Variants in DDR1 observed in about 807,000 individuals in gnomAD.
DDR1 encodes epithelial discoidin domain-containing receptor 1.
DDR1 carries 64 observed loss-of-function variants against 97.4 expected under a neutral mutation model. That is an observed-to-expected ratio of 0.66 (90% CI 0.54 to 0.81). DDR1 has a LOEUF of 0.81. DDR1 is among the 30% of genes least tolerant of loss of function. The probability of loss-of-function intolerance (pLI) is 0.00; values close to 1 mark genes in which losing one functional copy is unlikely to be tolerated. For synonymous variants in DDR1, 458 were observed against 503.7 expected (o/e 0.91, Z 1.21); for missense variants, 990 against 1,259.6 (o/e 0.79, Z 3.24).
chr6:30,895,633 C>T (rs1790482624), intron 12 of DDR1, 119 bp downstream of exon 12: 1 of 613,618 alleles, frequency 1.6e-6, no homozygotes, highest in East Asian at 3.0e-5. Flanking sequence ...CTCTCCTGAG[C>T]TCCCAAGGAG....
rs1787556308 is a variant in DDR1, at chr6:30,890,276, C to G, written c.418-697C>G. 1 of 152,366 alleles carries G rather than the reference C, an allele frequency of 6.6e-6. No homozygotes were observed. Among genetic ancestry groups the G allele is most frequent in the Admixed American group, 6.5e-5 (1 of 15,288 alleles). 9.4% of individuals were successfully genotyped at this position (152,366 alleles called of 1,614,324 possible). A position where few individuals can be genotyped will look rare whatever the true frequency, so the allele number is the denominator to read the frequency against. On this transcript the variant is annotated intron_variant, in intron 4 of 17. Coordinates refer to ENST00000376568, the MANE Select transcript of DDR1 (RefSeq NM_001297654.2). This position sits in a 1 kb window ranked among gnomAD's most constrained non-coding sequence, Gnocchi z 5.0. Reference sequence around the variant, plus strand: ...GCCTGCATCACTTGTTTCTTGGCGCCTCCTTGGCCACGCTGCCTTTCTTCT... The same window carrying G: ...GCCTGCATCACTTGTTTCTTGGCGCGTCCTTGGCCACGCTGCCTTTCTTCT...
rs376542836 is a variant in DDR1 at position 30,897,556 on chromosome 6, G to A, written c.2175G>A (p.Gly725=). The part of the protein sequence containing the change: ...AHQLEDKAAE[G]APGDGQAAQG... Reference sequence around the variant, plus strand: ...AGCTGGAGGACAAGGCAGCCGAGGGGGCCCCTGGGGACGGGCAGGCTGCGC... The same window carrying A: ...AGCTGGAGGACAAGGCAGCCGAGGGAGCCCCTGGGGACGGGCAGGCTGCGC... Residue 725 remains glycine (G), a synonymous_variant, in exon 15 of 18, where the codon GGG becomes GGA. Transcript: ENST00000376568. The surrounding 1 kb of genome is among the most constrained non-coding windows in gnomAD (Gnocchi z 5.2). The A allele has an allele frequency of 2.5e-6, 4 of 1,613,560 alleles. No homozygotes were observed. The highest frequency in any genetic ancestry group is 3.3e-5 in the Admixed American group (2 of 60,006).
chr6:30,894,862 C>T lies in DDR1; in HGVS notation c.1513+191C>T, dbSNP rs994610680. Among the ~76,000 whole-genome samples the T allele has an allele frequency of 4.6e-5, 7 of 152,132 alleles. No homozygotes were observed. The highest frequency in any genetic ancestry group is 1.4e-4 in the African/African-American group (6 of 41,412). ...TCTCTCAAGAGTTCCCCATGTATTA[C>T]CCATAGTCCCCCGTGGTGCTATCTT... On this transcript the variant is annotated intron_variant, in intron 11 of 17. Coordinates refer to ENST00000376568, the MANE Select transcript of DDR1 (RefSeq NM_001297654.2). This position sits in a 1 kb window ranked among gnomAD's most constrained non-coding sequence, Gnocchi z 5.7.
chr6:30,885,902 G>T, intron 1 of DDR1: 1 of 1,109,308 alleles, frequency 9.0e-7, no homozygotes, highest in Non-Finnish European at 1.2e-6. Flanking sequence ...GAGCGTGAAG[G>T]GCTTGAGGCA....
At chr6:30,885,842 G>C in intron 1 of DDR1, 1 of 1,283,632 alleles carries the variant, frequency 7.8e-7, no homozygotes, top group Non-Finnish European at 1.0e-6. Context: ...GTGTGTGTGT[G>C]TACAGAGCTG....
chr6:30,887,859 C>T (rs1786474676), intron 1 of DDR1, among the ~76,000 whole-genome samples: 1 of 152,196 alleles, frequency 6.6e-6, no homozygotes, highest in Non-Finnish European at 1.5e-5. Flanking sequence ...CTCGGCCTCC[C>T]AAAGTGCTGG....
At position 30,891,897 on chromosome 6, in the gene DDR1, C is replaced by A; in HGVS notation, c.666-105C>A. On this transcript the variant is annotated intron_variant, in intron 6 of 17. Coordinates refer to ENST00000376568, the MANE Select transcript of DDR1 (RefSeq NM_001297654.2). The surrounding 1 kb of genome is among the most constrained non-coding windows in gnomAD (Gnocchi z 5.3). ...TGGGAATGGGACTAGTGGATGGGAG[C>A]CAGGCTGGCCATGCCACTGTGCCGG... 7.8e-7 allele frequency: 1 copy of A among 1,278,400 alleles called. No individual in the cohort carries two copies. Among genetic ancestry groups the A allele is most frequent in the Non-Finnish European group, 1.1e-6 (1 of 894,934 alleles). 79.2% of individuals were successfully genotyped at this position (1,278,400 alleles called of 1,614,324 possible).
chr6:30,886,905 A>G lies in DDR1; in HGVS notation c.-42-1783A>G, dbSNP rs768619813. The G allele has an allele frequency of 2.6e-4, 40 of 152,356 alleles. No individual in the cohort carries two copies. Among genetic ancestry groups the G allele is most frequent in the African/African-American group, 9.6e-4 (40 of 41,544 alleles). The allele number at this position is 152,356 out of a possible 1,614,324, so 9.4% of individuals were successfully genotyped here. A position where few individuals can be genotyped will look rare whatever the true frequency, so the allele number is the denominator to read the frequency against. On this transcript the variant is annotated intron_variant, in intron 1 of 17. Transcript: ENST00000376568. The surrounding 1 kb of genome is among the most constrained non-coding windows in gnomAD (Gnocchi z 4.6). ...GGGTTTGTAAGGAGATGCCATTTAGAATAGTTTTATGTGGGGTAAGCTTCC... is the reference window on the plus strand; with the variant it reads ...GGGTTTGTAAGGAGATGCCATTTAGGATAGTTTTATGTGGGGTAAGCTTCC...
chr6:30,893,117 C>G lies in DDR1; in HGVS notation c.1149C>G (p.Ala383=), dbSNP rs1157948535. Residue 383 remains alanine, a synonymous_variant, in exon 9 of 18, where the codon GCC becomes GCG. Transcript: ENST00000376568. ...CACTGGGAGGCACCTTCCCGCCAGC[C>G]CCCTGGTGGCCGCCTGGCCCACCTC... ...SPALGGTFPP[A]PWWPPGPPPT... 6.2e-7 allele frequency: 1 copy of G among 1,611,466 alleles called. No homozygotes were observed. Among genetic ancestry groups the G allele is most frequent in the Admixed American group, 1.7e-5 (1 of 59,962 alleles).
chr6:30,892,204 T>G lies in DDR1; in HGVS notation c.852+16T>G, dbSNP rs750289147. 5.9e-5 allele frequency: 96 copies of G among 1,613,616 alleles called. No homozygotes were observed. Among genetic ancestry groups the G allele is most frequent in the Non-Finnish European group, 7.6e-5 (90 of 1,179,676 alleles). On this transcript the variant is annotated intron_variant, in intron 7 of 17. Coordinates refer to ENST00000376568, the MANE Select transcript of DDR1 (RefSeq NM_001297654.2). The stretch of plus-strand genomic sequence containing the variant: ...GGCTATGCAGGTGAGTGAGTCCGGC[T>G]CTCGAGGAGGGCTCTGAAGCCATGC...
upstream of DDR1, chr6:30,884,311 T>G (rs1354330009): frequency 4.0e-5 from 3 of 74,888 alleles, no homozygotes; most frequent in Non-Finnish European, 5.7e-5. This position sits in a 1 kb window ranked among gnomAD's most constrained non-coding sequence, Gnocchi z 6.1. Flanking sequence ...GCGCGCGGGG[T>G]GGGCGTGGCG....
At chr6:30,898,850 T>A in intron 16 of DDR1, 38 bp from the exon 17 acceptor site, 2 of 1,584,840 alleles carry the variant, frequency 1.3e-6, no homozygotes, top group South Asian at 2.3e-5. Flanking sequence ...CGTTGCCTGA[T>A]GTCCCTGTCT....
intron 16 of DDR1, 95 bp downstream of exon 16, chr6:30,898,402 T>C: frequency 1.1e-6 from 1 of 912,094 alleles, no homozygotes; most frequent in East Asian, 2.6e-5. Context: ...ACACACTTTC[T>C]CTGGGTTGCA....
rs181600077 is a variant in DDR1, at chr6:30,898,918, G to T, written c.2482G>T (p.Ala828Ser). 4.4e-5 allele frequency: 71 copies of T among 1,612,768 alleles called. No individual in the cohort carries two copies. In the Admixed American group the frequency reaches 6.0e-4, roughly 14 times the overall value. The change falls in exon 17 of 18, where the codon GCC (alanine) becomes TCC (serine). Residue 828 changes from alanine (A) to serine (S), a missense_variant. Transcript: ENST00000376568. ...GKFTTASDVW[A>S]FGVTLWEVLM... Reference sequence around the variant, plus strand: ...GTTCACGACTGCGAGTGACGTGTGGGCCTTTGGTGTGACCCTGTGGGAGGT... The same window carrying T: ...GTTCACGACTGCGAGTGACGTGTGGTCCTTTGGTGTGACCCTGTGGGAGGT...
intron 11 of DDR1, 122 bp from the exon 12 acceptor site, chr6:30,895,282 C>A: frequency 1.4e-6 from 1 of 689,876 alleles, no homozygotes; most frequent in Non-Finnish European, 2.4e-6. Context: ...TTGTTTTATC[C>A]TGTCTGTCTC....
intron 1 of DDR1, among the ~76,000 whole-genome samples, chr6:30,887,774 T>C (rs1230741838): frequency 2.0e-5 from 3 of 152,196 alleles, no homozygotes; most frequent in Non-Finnish European, 4.4e-5. Context: ...TATTTTTCAC[T>C]TTTTTTAAAG....
Position 30,897,695 on chromosome 6 carries a change from G to T in DDR1, c.2216+98G>T. On this transcript the variant is annotated intron_variant, in intron 15 of 17. Coordinates refer to ENST00000376568, the MANE Select transcript of DDR1 (RefSeq NM_001297654.2). The surrounding 1 kb of genome is among the most constrained non-coding windows in gnomAD (Gnocchi z 5.2). ...CTGGAGGAAAAGAGGGGAGCGTGGG[G>T]GTGGGAAGGGAGAGAGGTTCCAGGA... 1 of 1,013,168 alleles carries T rather than the reference G, an allele frequency of 9.9e-7. No individual in the cohort carries two copies. The allele number at this position is 1,013,168 out of a possible 1,614,324, so 62.8% of individuals were successfully genotyped here.
At position 30,891,578 on chromosome 6, in the gene DDR1, G is replaced by A. The variant is rs9461639; in HGVS notation, c.665+99G>A. Reference sequence around the variant, plus strand: ...GTGTGAGAGTGTGTGTGTGTAGGGGGGCTGGTAAGTAGGGTGGGGAGTGAG... The same window carrying A: ...GTGTGAGAGTGTGTGTGTGTAGGGGAGCTGGTAAGTAGGGTGGGGAGTGAG... On this transcript the variant is annotated intron_variant, in intron 6 of 17. Transcript: ENST00000376568. This position sits in a 1 kb window ranked among gnomAD's most constrained non-coding sequence, Gnocchi z 5.3. 143,570 of 828,786 alleles carry A rather than the reference G, an allele frequency of 0.17. 18,580 individuals are homozygous for A. Among genetic ancestry groups the A allele is most frequent in the East Asian group, 0.43 (15,449 of 36,070 alleles). The allele number at this position is 828,786 out of a possible 1,614,324, so 51.3% of individuals were successfully genotyped here.
chr6:30,885,544 T>C, intron 1 of DDR1: 1 of 1,379,742 alleles, frequency 7.2e-7, no homozygotes, highest in Non-Finnish European at 9.5e-7. Flanking sequence ...GGGGATCCTG[T>C]GCCCAAGGGC....
Sources: gnomAD v4.1 joint callset for allele counts (sites outside exome capture counted in the v4.1 genomes callset) on GRCh38, gnomAD v4.1.1 for gene constraint, Gnocchi (gnomAD v3.1) non-coding constraint, MANE v1.5 for transcripts, NCBI Gene and HGNC (gene_info 2026-07-23, HGNC 2026-07-21) for gene names.